The following THSD4 variants were observed in gnomAD, a reference collection of about 807,000 sequenced individuals.
THSD4 encodes the protein thrombospondin type 1 domain containing 4.
A neutral mutation model predicts 119.0 loss-of-function variants in THSD4; 69 were observed. The observed-to-expected ratio is 0.58, with a 90% CI of 0.48 to 0.71. The LOEUF (loss-of-function observed/expected upper bound fraction) is 0.71, where lower values mean the gene tolerates loss of function less well. Among genes scored for constraint, THSD4 ranks in the 30% least tolerant of loss-of-function variants. The pLI is 0.00. For missense variants in THSD4, 1,393 were observed against 1,391.1 expected, an observed-to-expected ratio of 1.00 and a Z score of -0.02; for synonymous variants, 524 against 540.4, an observed-to-expected ratio of 0.97 and a Z score of 0.42.
chr15:71,414,501 G>A (rs1257083346), intron 7 of THSD4, among the ~76,000 whole-genome samples: 1 of 152,120 alleles, frequency 6.6e-6, no homozygotes, highest in African/African-American at 2.4e-5. Flanking sequence ...CTGGTCCCTG[G>A]ATCATATTTT....
intron 5 of THSD4, among the ~76,000 whole-genome samples, chr15:71,253,490 C>G (rs894308901): frequency 2.0e-5 from 3 of 152,064 alleles, no homozygotes; most frequent in Admixed American, 6.6e-5. Flanking sequence ...TCATTGCAAC[C>G]TCTGCCTCAC....
intron 6 of THSD4, among the ~76,000 whole-genome samples, chr15:71,388,657 GGA>G (rs199693529): frequency 0.23 from 27,011 of 117,628 alleles, 2,454 homozygotes; most frequent in Middle Eastern, 0.3. Context: ...TTGATTCTTT[GGA>G]GAGAGTGTGT....
chr15:71,422,558 G>A (rs2046822329), intron 7 of THSD4, among the ~76,000 whole-genome samples: 1 of 152,136 alleles, frequency 6.6e-6, no homozygotes, highest in Non-Finnish European at 1.5e-5. Flanking sequence ...CTCTCTCTGT[G>A]ATAAGCTGCC....
chr15:71,230,456 T>A (rs1007659478), intron 4 of THSD4, among the ~76,000 whole-genome samples: 3 of 152,238 alleles, frequency 2.0e-5, no homozygotes, highest in African/African-American at 7.2e-5. Context: ...AGTGCAGCCG[T>A]CACGGTAACT....
chr15:71,119,736 A>G (rs1395323551), intron 1 of THSD4, among the ~76,000 whole-genome samples: 3 of 152,226 alleles, frequency 2.0e-5, no homozygotes, highest in Admixed American at 2.0e-4. Context: ...GACCCCCCGA[A>G]TAGGGCTGGA....
At chr15:71,189,230 G>A (rs1172935084) in intron 3 of THSD4, among the ~76,000 whole-genome samples, 1 of 152,130 alleles carries the variant, frequency 6.6e-6, no homozygotes, top group East Asian at 1.9e-4. Flanking sequence ...ACCTTGCCAG[G>A]GTAATTACAT....
At chr15:71,650,351 T>A (rs866791203) in intron 7 of THSD4, among the ~76,000 whole-genome samples, 14 of 152,200 alleles carry the variant, frequency 9.2e-5, no homozygotes, top group Middle Eastern at 6.8e-3. Flanking sequence ...TGCATAGGAA[T>A]CACCTGAGAA....
Position 71,657,573 on chromosome 15 carries a change from C to G in THSD4, c.1153-2957C>G, listed in dbSNP as rs534952252. ...GAGATATTTGGTAACTCCATGGGAA[C>G]TCAGTCTCTTAGAGGCCTGGGTAGC... On this transcript the variant is annotated intron_variant, in intron 7 of 17. Transcript: ENST00000261862. Among the ~76,000 whole-genome samples, 434 of 152,316 alleles carry G rather than the reference C, an allele frequency of 2.8e-3. 1 individual carries two copies. The highest frequency in any genetic ancestry group is 4.3e-3 in the Non-Finnish European group (291 of 68,028).
intron 10 of THSD4, among the ~76,000 whole-genome samples, chr15:71,736,561 C>G (rs1439078082): frequency 1.3e-5 from 2 of 151,318 alleles, no homozygotes; most frequent in East Asian, 3.9e-4. Context: ...CTCGCTGTCT[C>G]TCTTTCTTAC....
chr15:71,199,699 G>GTGGTGCAT (rs2043766816), intron 3 of THSD4, among the ~76,000 whole-genome samples: 10 of 56,206 alleles, frequency 1.8e-4, no homozygotes, highest in East Asian at 4.7e-4. Flanking sequence ...TGGTGTGTGT[G>GTGGTGCAT]GTGTCTGGGT....
chr15:71,545,731 A>T (rs1203430057), intron 7 of THSD4, among the ~76,000 whole-genome samples: 1 of 152,188 alleles, frequency 6.6e-6, no homozygotes, highest in Non-Finnish European at 1.5e-5. Flanking sequence ...GGAAAAATTC[A>T]TTCCTTTCTT....
intron 7 of THSD4, among the ~76,000 whole-genome samples, chr15:71,470,082 C>G (rs990722300): frequency 2.6e-5 from 4 of 152,180 alleles, no homozygotes; most frequent in African/African-American, 9.7e-5. Context: ...CTCACATGTT[C>G]AGGCAATAAG....
At chr15:71,675,013 C>T (rs4777435) in intron 8 of THSD4, among the ~76,000 whole-genome samples, 14,605 of 152,140 alleles carry the variant, frequency 0.096, 733 homozygotes, top group South Asian at 0.17. Flanking sequence ...TTTGAATGAC[C>T]GTTTTATGTA....
At chr15:71,434,764 C>T (rs1490305032) in intron 7 of THSD4, among the ~76,000 whole-genome samples, 2 of 152,100 alleles carry the variant, frequency 1.3e-5, no homozygotes, top group Non-Finnish European at 2.9e-5. Flanking sequence ...GATTTCTAAC[C>T]ATTTCTAACC....
intron 8 of THSD4, among the ~76,000 whole-genome samples, chr15:71,713,821 T>G (rs1312625033): frequency 1.3e-5 from 2 of 152,216 alleles, no homozygotes; most frequent in Admixed American, 1.3e-4. Flanking sequence ...AAAGCATTGA[T>G]GTTTTAACAG....
At chr15:71,748,915 A>G (rs1474889983) in intron 14 of THSD4, among the ~76,000 whole-genome samples, 1 of 152,228 alleles carries the variant, frequency 6.6e-6, no homozygotes, top group African/African-American at 2.4e-5. Flanking sequence ...ATAGACACTC[A>G]GCAATGGCAG....
chr15:71,449,622 G>A (rs1323953079), intron 7 of THSD4, among the ~76,000 whole-genome samples: 4 of 150,840 alleles, frequency 2.7e-5, no homozygotes, highest in Admixed American at 2.6e-4. Flanking sequence ...CTAAAGACAT[G>A]AAAGTCACAC....
intron 7 of THSD4, among the ~76,000 whole-genome samples, chr15:71,448,692 G>T (rs1359523384): frequency 6.6e-6 from 1 of 152,176 alleles, no homozygotes; most frequent in East Asian, 1.9e-4. Context: ...TGATCTTAAT[G>T]CAGTCCTTCC....
intron 7 of THSD4, among the ~76,000 whole-genome samples, chr15:71,515,906 G>A (rs1255735246): frequency 6.6e-6 from 1 of 152,178 alleles, no homozygotes; most frequent in Admixed American, 6.5e-5. Context: ...CAGAGGATCA[G>A]CAGATGTAAT....
Sources: gnomAD v4.1 joint callset for allele counts (sites outside exome capture counted in the v4.1 genomes callset) on GRCh38, gnomAD v4.1.1 for gene constraint, MANE v1.5 for transcripts, NCBI Gene and HGNC (gene_info 2026-07-23, HGNC 2026-07-21) for gene names.